The following SYNE2 variants were observed in gnomAD, a reference collection of about 807,000 sequenced individuals.
SYNE2 encodes the protein spectrin repeat containing nuclear envelope protein 2, also known as nesprin-2.
SYNE2 carries 431 observed loss-of-function variants against 856.3 expected under a neutral mutation model. The ratio of observed to expected loss-of-function variants is 0.50; its 90% CI spans 0.47 to 0.55. The LOEUF (loss-of-function observed/expected upper bound fraction) is 0.55, where lower values mean the gene tolerates loss of function less well. SYNE2 is among the 20% of genes least tolerant of loss of function. The probability of loss-of-function intolerance (pLI) is 0.00; values close to 1 mark genes in which losing one functional copy is unlikely to be tolerated. For missense variants in SYNE2, 8,129 were observed against 8,023.2 expected (o/e 1.01, Z -0.50); for synonymous variants, 2,923 against 2,872.3 (o/e 1.02, Z -0.56).
intron 1 of SYNE2, among the ~76,000 whole-genome samples, chr14:63,828,180 G>C (rs1028258433): frequency 1.3e-5 from 2 of 151,674 alleles, no homozygotes; most frequent in African/African-American, 4.8e-5. Flanking sequence ...CTGGGTGACA[G>C]AGTGAGACCC....
At position 64,167,244 on chromosome 14, in the gene SYNE2, G is replaced by T; in HGVS notation, c.16617G>T (p.Leu5539=). Residue 5539 remains leucine (L), a synonymous_variant, in exon 91 of 116, where the codon CTG becomes CTT. Transcript: ENST00000555002. The part of the protein sequence containing the change: ...ENPDSFLNHV[L]ALTAQSPDIE... ...TTTTTTAAAAATAGAATCATGTGCT[G>T]GCACTGACAGCCCAATCACCTGATA... is the stretch of plus-strand genomic sequence containing the variant. 6.2e-7 allele frequency: 1 copy of T among 1,614,178 alleles called. No homozygotes were observed. The highest frequency in any genetic ancestry group is 8.5e-7 in the Non-Finnish European group (1 of 1,180,032).
At chr14:64,157,625 C>T (rs1427983084) in intron 85 of SYNE2, among the ~76,000 whole-genome samples, 2 of 152,088 alleles carry the variant, frequency 1.3e-5, no homozygotes, top group Admixed American at 1.3e-4. Context: ...GGTCATATGG[C>T]AACTCTATTT....
At chr14:64,077,733 C>T (rs183055428) in intron 54 of SYNE2, among the ~76,000 whole-genome samples, 1 of 152,010 alleles carries the variant, frequency 6.6e-6, no homozygotes, top group African/African-American at 2.4e-5. Flanking sequence ...TATCAAATAG[C>T]AAAACAAGAA....
intron 85 of SYNE2, among the ~76,000 whole-genome samples, chr14:64,157,747 A>T (rs2098297436): frequency 6.6e-6 from 1 of 152,190 alleles, no homozygotes; most frequent in African/African-American, 2.4e-5. Flanking sequence ...ACACATTATT[A>T]TCTGACTTTT....
chr14:64,193,480 G>A (rs1476996511), intron 99 of SYNE2, among the ~76,000 whole-genome samples: 1 of 152,080 alleles, frequency 6.6e-6, no homozygotes, highest in Non-Finnish European at 1.5e-5. Flanking sequence ...AACCTGGGAG[G>A]TGGAGGTTGC....
intron 1 of SYNE2, among the ~76,000 whole-genome samples, chr14:63,804,924 T>C (rs1188458478): frequency 6.6e-5 from 10 of 152,364 alleles, no homozygotes; most frequent in Non-Finnish European, 1.0e-4. Flanking sequence ...TTGTGTATGA[T>C]AAAAGGAAGG....
At position 64,220,575 on chromosome 14, in the gene SYNE2, G is replaced by T; in HGVS notation, c.19999G>T (p.Ala6667Ser). The T allele has an allele frequency of 6.2e-7, 1 of 1,614,190 alleles. No homozygotes were observed. Among genetic ancestry groups the T allele is most frequent in the East Asian group, 2.2e-5 (1 of 44,892 alleles). Residue 6667 changes from alanine (A) to serine (S), a missense_variant, in exon 111 of 116, where the codon GCA becomes TCA. Around this residue, in one of 3 missense-constraint regions of SYNE2, gnomAD observed 5,410 missense variants for 5,284.8 expected, o/e 1.02. Coordinates refer to ENST00000555002, the MANE Select transcript of SYNE2 (RefSeq NM_182914.3). ...RLRQLSLLWE[A>S]AQGAVDSWRG... ...CCGCCAGCTGAGCCTGCTCTGGGAA[G>T]CAGCACAGGGCGCAGTGGACAGCTG...
At chr14:64,185,639 GC>G (rs946726599) in intron 96 of SYNE2, among the ~76,000 whole-genome samples, 1 of 150,124 alleles carries the variant, frequency 6.7e-6, no homozygotes, top group Non-Finnish European at 1.5e-5. Context: ...TCCTGCCTCA[GC>G]CTCCCAAGTA....
intron 103 of SYNE2, 35 bp downstream of exon 103, chr14:64,210,159 T>A: frequency 6.2e-7 from 1 of 1,609,432 alleles, no homozygotes; most frequent in Non-Finnish European, 8.5e-7. Context: ...GGTGTAGATT[T>A]TCCAGGAGAC....
intron 57 of SYNE2, among the ~76,000 whole-genome samples, chr14:64,082,984 T>C (rs963289): frequency 0.75 from 113,817 of 152,068 alleles, 44,571 homozygotes; most frequent in Non-Finnish European, 0.87. Context: ...CAGGTGTGTT[T>C]CCCTTCTCTT....
chr14:64,053,369 G>A lies in SYNE2; in HGVS notation c.9456G>A (p.Lys3152=). The change falls in exon 48 of 116, where the codon AAG becomes AAA. Residue 3152 remains lysine, a synonymous_variant. Coordinates refer to ENST00000555002, the MANE Select transcript of SYNE2 (RefSeq NM_182914.3). ...TCTCACCAAAAGAATTGGATGAAAA[G>A]AATTGTCAGGACAAACTAGAAACTT... ...LELSPKELDE[K]NCQDKLETSL... 6.2e-7 allele frequency: 1 copy of A among 1,613,680 alleles called. No individual in the cohort carries two copies. The highest frequency in any genetic ancestry group is 8.5e-7 in the Non-Finnish European group (1 of 1,179,936).
intron 1 of SYNE2, among the ~76,000 whole-genome samples, chr14:63,887,009 A>G (rs906715854): frequency 6.6e-5 from 10 of 152,132 alleles, no homozygotes; most frequent in South Asian, 2.1e-4. Flanking sequence ...GTGACCAGGC[A>G]TGGTGGCTCA....
chr14:64,225,335 C>T lies in SYNE2; in HGVS notation c.20533C>T (p.Arg6845Trp), dbSNP rs769789774. Residue 6845 changes from arginine (R) to tryptophan (W), a missense_variant, in exon 116 of 116, where the codon CGG becomes TGG. Around this residue, in one of 3 missense-constraint regions of SYNE2, gnomAD observed 5,410 missense variants for 5,284.8 expected, o/e 1.02. Coordinates refer to ENST00000555002, the MANE Select transcript of SYNE2 (RefSeq NM_182914.3). Reference protein sequence around the residue: ...ETESRVPGSTRPQRSFLSRVV... With the variant: ...ETESRVPGSTWPQRSFLSRVV... ...TGTTGGCAGGGTCCCCGGCAGCACA[C>T]GGCCACAGCGCTCCTTCCTCTCAAG... 4.1e-5 allele frequency: 66 copies of T among 1,613,996 alleles called. No individual in the cohort carries two copies. The highest frequency in any genetic ancestry group is 1.6e-4 in the Middle Eastern group (1 of 6,084).
intron 78 of SYNE2, 132 bp downstream of exon 78, chr14:64,134,332 A>G (rs2098060701): frequency 3.1e-6 from 3 of 982,932 alleles, no homozygotes; most frequent in Non-Finnish European, 3.2e-6. Context: ...TCACTGTTGA[A>G]TGTATTCAGG....
chr14:64,225,333 C>G lies in SYNE2; in HGVS notation c.20531C>G (p.Thr6844Arg). 1.2e-6 allele frequency: 2 copies of G among 1,614,162 alleles called. No homozygotes were observed. The highest frequency in any genetic ancestry group is 1.7e-6 in the Non-Finnish European group (2 of 1,180,030). Residue 6844 changes from threonine (T) to arginine (R), a missense_variant, in exon 116 of 116, where the codon ACA (threonine) becomes AGA (arginine). Coordinates refer to ENST00000555002, the MANE Select transcript of SYNE2 (RefSeq NM_182914.3). ...TCTGTTGGCAGGGTCCCCGGCAGCACACGGCCACAGCGCTCCTTCCTCTCA... is the reference window on the plus strand; with the variant it reads ...TCTGTTGGCAGGGTCCCCGGCAGCAGACGGCCACAGCGCTCCTTCCTCTCA... Reference protein sequence around the residue: ...EETESRVPGSTRPQRSFLSRV... With the variant: ...EETESRVPGSRRPQRSFLSRV...
At chr14:63,798,398 CTTTTTTTTTTTT>C (rs1888004733) in intron 1 of SYNE2, among the ~76,000 whole-genome samples, 1 of 127,038 alleles carries the variant, frequency 7.9e-6, no homozygotes, top group Non-Finnish European at 1.7e-5. Context: ...TTTTTTTTTT[CTTTTTTTTTTTT>C]GAGACAGTAT....
rs72718386 is a variant in SYNE2, at chr14:64,045,395, C to G, written c.7222-2605C>G. The stretch of plus-strand genomic sequence containing the variant: ...ATAACAGATAAAGTGTTCCTCAGGT[C>G]CAGTGTCTAGGCCTTCAGTGCAGGT... On this transcript the variant is annotated intron_variant, in intron 45 of 115. Transcript: ENST00000555002. Among the ~76,000 whole-genome samples the G allele has an allele frequency of 3.4e-3, 512 of 149,188 alleles. 3 individuals are homozygous for G. The highest frequency in any genetic ancestry group is 4.5e-3 in the East Asian group (23 of 5,074).
In SYNE2 at chr14:64,053,643, A is replaced by T; in HGVS notation, c.9730A>T (p.Ile3244Phe). Reference sequence around the variant, plus strand: ...TCTTCAGATGCAGCTTAACACAAGCATTGATTTGCGCACAGTAAGTTTTAA... The same window carrying T: ...TCTTCAGATGCAGCTTAACACAAGCTTTGATTTGCGCACAGTAAGTTTTAA... ...EDLQMQLNTSIDLRTNVLNDA... is the reference protein window; with the variant it reads ...EDLQMQLNTSFDLRTNVLNDA... The change falls in exon 48 of 116, where the codon ATT becomes TTT. Residue 3244 changes from isoleucine to phenylalanine, a missense_variant. Ile to Phe is a conservative substitution (Grantham distance 21). This residue lies in a region of SYNE2 where 5,410 missense variants were observed against 5,284.8 expected (regional missense o/e 1.02). Coordinates refer to ENST00000555002, the MANE Select transcript of SYNE2 (RefSeq NM_182914.3). The T allele has an allele frequency of 6.2e-7, 1 of 1,613,564 alleles. No individual in the cohort carries two copies. The highest frequency in any genetic ancestry group is 1.7e-4 in the Middle Eastern group (1 of 6,054).
At chr14:63,867,068 C>T (rs1264870755) in intron 1 of SYNE2, among the ~76,000 whole-genome samples, 1 of 152,340 alleles carries the variant, frequency 6.6e-6, no homozygotes, top group South Asian at 2.1e-4. Context: ...CAGAAACCAT[C>T]TACCTCATTT....
Sources: gnomAD v4.1 joint callset for allele counts (sites outside exome capture counted in the v4.1 genomes callset) on GRCh38, gnomAD v4.1.1 for gene constraint, gnomAD v4.1.1 regional missense constraint, MANE v1.5 for transcripts, NCBI Gene and HGNC (gene_info 2026-07-23, HGNC 2026-07-21) for gene names.